WDR70: variants seen among roughly 807,000 people sequenced by gnomAD.
WDR70 encodes the protein WD repeat domain 70, also known as WD repeat-containing protein 70.
In WDR70, 53 loss-of-function variants were observed where a neutral mutation model predicts 88.6. The observed-to-expected ratio is 0.60, with a 90% CI of 0.48 to 0.75. The LOEUF is 0.75. Among genes scored for constraint, WDR70 ranks in the 30% least tolerant of loss-of-function variants. The probability of loss-of-function intolerance (pLI) is 0.00; values close to 1 mark genes in which losing one functional copy is unlikely to be tolerated. For missense variants in WDR70, 610 were observed against 823.2 expected, an observed-to-expected ratio of 0.74 and a Z score of 3.17; for synonymous variants, 280 against 270.0, an observed-to-expected ratio of 1.04 and a Z score of -0.36.
chr5:37,605,190 A>T lies in WDR70; in HGVS notation c.1044A>T (p.Ala348=). Residue 348 remains alanine (A), a synonymous_variant, in exon 10 of 18, where the codon GCA becomes GCT. Transcript: ENST00000265107. The part of the protein sequence containing the change: ...CTYSRDGNLI[A]AACQNGSIQI... Reference sequence around the variant, plus strand: ...ATAGTAGAGATGGAAACCTCATAGCAGCTGCCTGCCAGAATGGAAGCATAC... The same window carrying T: ...ATAGTAGAGATGGAAACCTCATAGCTGCTGCCTGCCAGAATGGAAGCATAC... The T allele has an allele frequency of 6.2e-7, 1 of 1,611,898 alleles. No individual in the cohort carries two copies. The highest frequency in any genetic ancestry group is 1.1e-5 in the South Asian group (1 of 90,504).
chr5:37,526,214 CA>C (rs1741265858), intron 9 of WDR70, among the ~76,000 whole-genome samples: 1 of 152,150 alleles, frequency 6.6e-6, no homozygotes, highest in Non-Finnish European at 1.5e-5. Flanking sequence ...CCCTGATGAA[CA>C]TCAATGCAAA....
At chr5:37,608,985 C>T (rs9292657) in intron 10 of WDR70, among the ~76,000 whole-genome samples, 5,678 of 152,280 alleles carry the variant, frequency 0.037, 363 homozygotes, top group African/African-American at 0.13. Context: ...CCTTCAGTAA[C>T]TATTTGTTGA....
intron 8 of WDR70, among the ~76,000 whole-genome samples, chr5:37,499,629 C>CTCTCTCTCTCTCTCTCTCTCT (rs1740344296): frequency 7.0e-6 from 1 of 142,184 alleles, no homozygotes; most frequent in African/African-American, 2.6e-5. Context: ...CTCTCTCTCT[C>CTCTCTCTCTCTCTCTCTCTCT]GTCTCGGTTC....
chr5:37,695,839 G>A (rs1399851207), intron 10 of WDR70, among the ~76,000 whole-genome samples: 2 of 152,070 alleles, frequency 1.3e-5, no homozygotes, highest in African/African-American at 2.4e-5. Flanking sequence ...CATCACACTA[G>A]GGGGCAGAGG....
At chr5:37,690,218 G>C (rs935567616) in intron 10 of WDR70, among the ~76,000 whole-genome samples, 2 of 152,204 alleles carry the variant, frequency 1.3e-5, no homozygotes. Context: ...TATGTGAAAA[G>C]ACCAAATCTA....
chr5:37,752,704 C>A lies in WDR70; in HGVS notation c.*131C>A. On this transcript the variant is annotated 3_prime_UTR_variant, in exon 18 of 18. Transcript: ENST00000265107. ...TTGTCCTTTGCATTATTGAACTGGT[C>A]AAAAGTTTGGTGGCTAGGCTTCACT... 1.5e-6 allele frequency: 1 copy of A among 683,932 alleles called. No homozygotes were observed. The highest frequency in any genetic ancestry group is 2.4e-6 in the Non-Finnish European group (1 of 412,776). The allele number at this position is 683,932 out of a possible 1,614,324, so 42.4% of individuals were successfully genotyped here.
chr5:37,527,886 C>T (rs932352369), intron 9 of WDR70, among the ~76,000 whole-genome samples: 1 of 152,184 alleles, frequency 6.6e-6, no homozygotes, highest in Non-Finnish European at 1.5e-5. Context: ...AAATGCTCTT[C>T]ATCACTGGCC....
At chr5:37,525,140 C>A (rs1030273279) in intron 9 of WDR70, among the ~76,000 whole-genome samples, 5 of 152,190 alleles carry the variant, frequency 3.3e-5, no homozygotes, top group Non-Finnish European at 7.3e-5. Context: ...TTATAGACAT[C>A]TACAGAACTC....
chr5:37,569,975 AAGAGACGAGTTC>A (rs1386902664), intron 9 of WDR70, among the ~76,000 whole-genome samples: 2 of 152,198 alleles, frequency 1.3e-5, no homozygotes, highest in East Asian at 3.8e-4. Context: ...GACTAATAGT[AAGAGACGAGTTC>A]AGAGTATGAT....
chr5:37,685,975 G>A (rs74602401), intron 10 of WDR70, among the ~76,000 whole-genome samples: 6,529 of 152,232 alleles, frequency 0.043, 183 homozygotes, highest in Non-Finnish European at 0.068. Flanking sequence ...TCTGCTAGGA[G>A]CGTGCCAGTC....
At chr5:37,650,233 TA>T (rs1561050702) in intron 10 of WDR70, among the ~76,000 whole-genome samples, 1 of 150,842 alleles carries the variant, frequency 6.6e-6, no homozygotes, top group African/African-American at 2.4e-5. Flanking sequence ...CCGTCTCTAC[TA>T]AAAATACAAA....
chr5:37,452,058 C>T (rs1413251944), intron 7 of WDR70, among the ~76,000 whole-genome samples: 1 of 151,866 alleles, frequency 6.6e-6, no homozygotes, highest in African/African-American at 2.4e-5. Flanking sequence ...ATTTATTTTC[C>T]CCTCCAATTT....
intron 7 of WDR70, among the ~76,000 whole-genome samples, chr5:37,453,195 C>T (rs571121086): frequency 7.2e-5 from 11 of 152,250 alleles, no homozygotes; most frequent in African/African-American, 2.4e-4. Context: ...GAGACCCTAA[C>T]CCAGTGGCAC....
chr5:37,516,437 T>C, intron 8 of WDR70, 77 bp from the exon 9 acceptor site: 1 of 791,676 alleles, frequency 1.3e-6, no homozygotes, highest in South Asian at 1.9e-5. Context: ...CATTTAAAAA[T>C]GACATGTCAG....
At chr5:37,553,975 T>C (rs1249651219) in intron 9 of WDR70, among the ~76,000 whole-genome samples, 1 of 152,214 alleles carries the variant, frequency 6.6e-6, no homozygotes, top group Admixed American at 6.5e-5. Flanking sequence ...GTTAGTATTA[T>C]TGAAAGGTTT....
At chr5:37,733,518 A>G (rs997720754) in intron 17 of WDR70, among the ~76,000 whole-genome samples, 1 of 152,030 alleles carries the variant, frequency 6.6e-6, no homozygotes, top group Non-Finnish European at 1.5e-5. Flanking sequence ...TGATACCTTT[A>G]TTATACCTAA....
At chr5:37,638,104 A>C (rs1223180488) in intron 10 of WDR70, among the ~76,000 whole-genome samples, 3 of 152,182 alleles carry the variant, frequency 2.0e-5, no homozygotes, top group Admixed American at 6.5e-5. Flanking sequence ...TAGCCTCTCC[A>C]GCAATTTCGG....
At chr5:37,425,899 G>T (rs1193632323) in intron 5 of WDR70, among the ~76,000 whole-genome samples, 1 of 152,202 alleles carries the variant, frequency 6.6e-6, no homozygotes, top group Admixed American at 6.5e-5. Flanking sequence ...GAGGCTGAGT[G>T]ATAGGGAAGA....
At chr5:37,547,775 C>T (rs925077029) in intron 9 of WDR70, among the ~76,000 whole-genome samples, 2 of 152,028 alleles carry the variant, frequency 1.3e-5, no homozygotes, top group African/African-American at 2.4e-5. Context: ...ATTAATCATC[C>T]CTACCTCCTC....
Sources: gnomAD v4.1 joint callset for allele counts (sites outside exome capture counted in the v4.1 genomes callset) on GRCh38, gnomAD v4.1.1 for gene constraint, MANE v1.5 for transcripts, NCBI Gene and HGNC (gene_info 2026-07-23, HGNC 2026-07-21) for gene names.